Variants in ABLIM1 observed in about 807,000 individuals in gnomAD.
The protein encoded by ABLIM1 is actin-binding LIM protein 1.
A neutral mutation model predicts 107.0 loss-of-function variants in ABLIM1; 40 were observed. The ratio of observed to expected loss-of-function variants is 0.37; its 90% CI spans 0.29 to 0.49. The LOEUF is 0.49. Ranked by LOEUF, ABLIM1 falls within the 20% of genes least tolerant of loss-of-function variation. The pLI, the probability that ABLIM1 is intolerant of heterozygous loss-of-function variation, is 0.97. For synonymous variants in ABLIM1, 357 were observed against 357.3 expected (o/e 1.00, Z 0.01); for missense variants, 857 against 1,008.5 (o/e 0.85, Z 2.04).
At chr10:114,585,521 C>T (rs1030510745) in intron 2 of ABLIM1, among the ~76,000 whole-genome samples, 1 of 152,214 alleles carries the variant, frequency 6.6e-6, no homozygotes, top group Admixed American at 6.5e-5. Flanking sequence ...CCGATCTCCC[C>T]TGCTTACCTC....
chr10:114,750,825 A>G (rs1271640292), intron 1 of ABLIM1, among the ~76,000 whole-genome samples: 4 of 152,242 alleles, frequency 2.6e-5, no homozygotes, highest in Non-Finnish European at 5.9e-5. Context: ...TGAATAATAC[A>G]AAAGTAGAAA....
At chr10:114,526,147 G>C (rs2064699736) in intron 6 of ABLIM1, among the ~76,000 whole-genome samples, 2 of 151,744 alleles carry the variant, frequency 1.3e-5, no homozygotes, top group African/African-American at 4.9e-5. Context: ...TCATTTATTG[G>C]GTATTTCTTA....
At chr10:114,690,460 T>C (rs893899845) in intron 1 of ABLIM1, 4 of 1,588,260 alleles carry the variant, frequency 2.5e-6, no homozygotes, top group Non-Finnish European at 2.6e-6. Flanking sequence ...CCCTGACACA[T>C]AAACCCTGGA....
intron 1 of ABLIM1, among the ~76,000 whole-genome samples, chr10:114,634,129 CTTTTTT>C (rs745875295): frequency 4.4e-5 from 3 of 68,298 alleles, no homozygotes; most frequent in Non-Finnish European, 7.6e-5. Flanking sequence ...CTCAATTTTT[CTTTTTT>C]TTTTTTTTTT....
chr10:114,483,179 G>A (rs1476992693), intron 8 of ABLIM1, among the ~76,000 whole-genome samples: 1 of 152,234 alleles, frequency 6.6e-6, no homozygotes, highest in African/African-American at 2.4e-5. Context: ...GACAACGCAA[G>A]GCACTGAGGC....
chr10:114,456,813 G>C (rs1227210679), intron 12 of ABLIM1, among the ~76,000 whole-genome samples: 1 of 152,136 alleles, frequency 6.6e-6, no homozygotes, highest in Non-Finnish European at 1.5e-5. Flanking sequence ...CAAAGGTTAT[G>C]GAGTAGCTGT....
intron 11 of ABLIM1, among the ~76,000 whole-genome samples, chr10:114,466,099 G>C (rs1050750034): frequency 4.6e-5 from 7 of 152,088 alleles, no homozygotes; most frequent in Non-Finnish European, 1.0e-4. Flanking sequence ...CAGCACTTTG[G>C]GGGGCCAAGG....
At chr10:114,615,880 C>T (rs1194163147) in intron 1 of ABLIM1, among the ~76,000 whole-genome samples, 1 of 151,878 alleles carries the variant, frequency 6.6e-6, no homozygotes, top group Non-Finnish European at 1.5e-5. Context: ...CCTGGCTAAG[C>T]TCTCTGAATG....
At chr10:114,772,273 G>A (rs113332350), upstream of ABLIM1, among the ~76,000 whole-genome samples, 709 of 152,132 alleles carry the variant, frequency 4.7e-3, 10 homozygotes, top group African/African-American at 0.016. Context: ...CCTGGCTCCC[G>A]AGAGAAGCAA....
chr10:114,634,532 T>G (rs1219375927), intron 1 of ABLIM1, among the ~76,000 whole-genome samples: 9 of 152,210 alleles, frequency 5.9e-5, no homozygotes, highest in Non-Finnish European at 1.3e-4. Context: ...CCTGTATACC[T>G]TGGTGGATAA....
intron 4 of ABLIM1, among the ~76,000 whole-genome samples, chr10:114,549,973 C>A (rs1205979624): frequency 1.3e-5 from 2 of 152,182 alleles, no homozygotes. Flanking sequence ...TAAGAAACTT[C>A]CCTCTCTGGA....
intron 6 of ABLIM1, among the ~76,000 whole-genome samples, chr10:114,540,103 C>T (rs2066481741): frequency 6.6e-6 from 1 of 152,040 alleles, no homozygotes; most frequent in Non-Finnish European, 1.5e-5. Context: ...ATCTTGCTGT[C>T]GAAAACAAAA....
upstream of ABLIM1, among the ~76,000 whole-genome samples, chr10:114,686,966 T>C (rs1003059647): frequency 1.5e-4 from 23 of 152,196 alleles, no homozygotes; most frequent in African/African-American, 3.9e-4. Context: ...ATGGAGCTTA[T>C]ACCATGTCAT....
intron 18 of ABLIM1, 88 bp downstream of exon 18, chr10:114,441,634 T>C (rs2060208957): frequency 8.1e-7 from 1 of 1,235,468 alleles, no homozygotes; most frequent in African/African-American, 1.5e-5. Flanking sequence ...AGATCAAGAG[T>C]CAGACGTATT....
the ABLIM1 span, among the ~76,000 whole-genome samples, chr10:114,776,490 G>A: frequency 1.3e-5 from 2 of 152,130 alleles, 1 homozygote; most frequent in African/African-American, 4.8e-5. Flanking sequence ...GCACGTGCCT[G>A]TAGCCGCAGC....
chr10:114,761,903 T>C (rs1591958017), intron 1 of ABLIM1, among the ~76,000 whole-genome samples: 1 of 152,270 alleles, frequency 6.6e-6, no homozygotes, highest in Middle Eastern at 3.4e-3. Context: ...TTAAGAAGCC[T>C]CACCTGATAT....
chr10:114,575,588 C>G lies in ABLIM1; in HGVS notation c.391G>C (p.Asp131His), dbSNP rs748356670. ...KCFTCKVCGC[D>H]LAQGGFFIKN... ...ATGAAGAAGCCCCCTTGTGCCAGGT[C>G]ACAGCCACACACTGTAGAGAGACAA... Residue 131 changes from aspartate to histidine, a missense_variant, in exon 3 of 23, where the codon GAC (aspartate) becomes CAC (histidine). Physicochemically the swap from Asp to His is moderately conservative, Grantham distance 81. Around this residue, in one of 5 missense-constraint regions of ABLIM1, gnomAD observed 176 missense variants for 173.5 expected, o/e 1.01. Transcript: ENST00000533213. The G allele has an allele frequency of 6.2e-7, 1 of 1,613,442 alleles. No individual in the cohort carries two copies. Among genetic ancestry groups the G allele is most frequent in the Admixed American group, 1.7e-5 (1 of 60,010 alleles).
chr10:114,684,504 G>A (rs920972063), exon 1 of ABLIM1: 4 of 1,428,026 alleles, frequency 2.8e-6, no homozygotes, highest in Middle Eastern at 2.6e-4. Flanking sequence ...TGCCACCGGT[G>A]GGTGTGCCAC....
intron 1 of ABLIM1, among the ~76,000 whole-genome samples, chr10:114,731,173 C>T (rs985333643): frequency 6.6e-6 from 1 of 152,148 alleles, no homozygotes; most frequent in African/African-American, 2.4e-5. Flanking sequence ...TGGAGTCTCA[C>T]TCTGTCGCCC....
Sources: gnomAD v4.1 joint callset for allele counts (sites outside exome capture counted in the v4.1 genomes callset) on GRCh38, gnomAD v4.1.1 for gene constraint, gnomAD v4.1.1 regional missense constraint, MANE v1.5 for transcripts, NCBI Gene and HGNC (gene_info 2026-07-23, HGNC 2026-07-21) for gene names.